The following ZMYND19 variants were observed in gnomAD, a reference collection of about 807,000 sequenced individuals.
The protein encoded by ZMYND19 is zinc finger MYND-type containing 19.
Under a neutral mutation model 32.0 loss-of-function variants are expected in ZMYND19, and 17 were observed. The ratio of observed to expected loss-of-function variants is 0.53; its 90% CI spans 0.36 to 0.80. ZMYND19 has a LOEUF of 0.80. Ranked by LOEUF, ZMYND19 falls within the 30% of genes least tolerant of loss-of-function variation. The probability of loss-of-function intolerance (pLI) is 0.00; values close to 1 mark genes in which losing one functional copy is unlikely to be tolerated. For missense variants in ZMYND19, 250 were observed against 293.6 expected (o/e 0.85, Z 1.09); for synonymous variants, 124 against 113.6 (o/e 1.09, Z -0.58).
intron 4 of ZMYND19, among the ~76,000 whole-genome samples, chr9:137,585,073 A>AT (rs2133298270): frequency 6.6e-6 from 1 of 152,318 alleles, no homozygotes; most frequent in African/African-American, 2.4e-5. Flanking sequence ...CAAAACTCTA[A>AT]TATTAGAGCA....
At chr9:137,586,065 C>T (rs1195488443) in intron 4 of ZMYND19, among the ~76,000 whole-genome samples, 2 of 152,264 alleles carry the variant, frequency 1.3e-5, no homozygotes, top group African/African-American at 4.8e-5. Flanking sequence ...CACAGACTGG[C>T]TGGTTCTAGG....
chr9:137,582,894 G>C lies in ZMYND19; in HGVS notation c.540+89C>G. On this transcript the variant is annotated intron_variant, in intron 5 of 5. Transcript: ENST00000298585. ...GGTGCTAAGCGGTCTCTGGGGAATG[G>C]GACCCCGCGGTGGAGGGCAAGATCC... 3 of 1,557,096 alleles carry C rather than the reference G, an allele frequency of 1.9e-6. No homozygotes were observed. The South Asian group carries it at 3.6e-5, about 19-fold the overall frequency.
intron 1 of ZMYND19, chr9:137,589,834 G>T (rs1248801712): frequency 2.0e-6 from 2 of 985,366 alleles, no homozygotes; most frequent in Non-Finnish European, 2.4e-6. Flanking sequence ...CCGTGTGGCC[G>T]CACTGGCAGC....
At position 137,582,180 on chromosome 9, in the gene ZMYND19, A is replaced by C; in HGVS notation, c.*363T>G. 1 of 182,560 alleles carries C rather than the reference A, an allele frequency of 5.5e-6. No individual in the cohort carries two copies. Among genetic ancestry groups the C allele is most frequent in the South Asian group, 1.4e-4 (1 of 7,240 alleles). The allele number at this position is 182,560 out of a possible 1,614,324, so 11.3% of individuals were successfully genotyped here. The stretch of plus-strand genomic sequence containing the variant: ...CCAGGGGAGAAGCTTCGACAACAGG[A>C]CAGTTTTTAGTCACGTGGCCTGACC... On this transcript the variant is annotated 3_prime_UTR_variant, in exon 6 of 6. Coordinates refer to ENST00000298585, the MANE Select transcript of ZMYND19 (RefSeq NM_138462.3).
At chr9:137,588,558 G>T in intron 2 of ZMYND19, 101 bp downstream of exon 2, 2 of 1,356,672 alleles carry the variant, frequency 1.5e-6, no homozygotes, top group Non-Finnish European at 2.1e-6. Context: ...CCACTTGTGG[G>T]GCCGCCTGCT....
chr9:137,588,778 C>A, intron 1 of ZMYND19, 60 bp from the exon 2 acceptor site: 1 of 1,595,944 alleles, frequency 6.3e-7, no homozygotes, highest in African/African-American at 1.3e-5. Context: ...GGTGCAGTAA[C>A]CTTATAACCA....
chr9:137,582,471 A>G lies in ZMYND19; in HGVS notation c.*72T>C. 1 of 1,541,872 alleles carries G rather than the reference A, an allele frequency of 6.5e-7. No homozygotes were observed. Among genetic ancestry groups the G allele is most frequent in the Non-Finnish European group, 8.7e-7 (1 of 1,144,982 alleles). On this transcript the variant is annotated 3_prime_UTR_variant, in exon 6 of 6. Transcript: ENST00000298585. ...TGGCTTTTTTGGCACCTCCAGGTTC[A>G]ACCACCAGTCTGTCTCTGCTGTGCC...
chr9:137,582,792 C>A (rs1842162090), intron 5 of ZMYND19, 106 bp from the exon 6 acceptor site: 2 of 1,534,682 alleles, frequency 1.3e-6, no homozygotes, highest in South Asian at 2.5e-5. Flanking sequence ...ACACCACGTA[C>A]CAAGGCTGGA....
chr9:137,589,117 G>A (rs925936761), intron 1 of ZMYND19: 27 of 197,516 alleles, frequency 1.4e-4, no homozygotes, highest in African/African-American at 5.8e-4. Flanking sequence ...ATTAGGGTGT[G>A]TTTATTAAGC....
intron 2 of ZMYND19, 97 bp downstream of exon 2, chr9:137,588,562 G>T (rs1340619187): frequency 1.5e-6 from 2 of 1,373,456 alleles, no homozygotes; most frequent in Non-Finnish European, 2.1e-6. Context: ...TTGTGGGGCC[G>T]CCTGCTCTTG....
chr9:137,587,189 G>A (rs1048815965), intron 3 of ZMYND19, 82 bp from the exon 4 acceptor site: 16 of 1,547,978 alleles, frequency 1.0e-5, no homozygotes, highest in Non-Finnish European at 1.4e-5. Context: ...AGGTACCAAA[G>A]TCCTTCCAGG....
intron 3 of ZMYND19, 71 bp downstream of exon 3, chr9:137,587,646 G>T: frequency 7.1e-7 from 1 of 1,415,354 alleles, no homozygotes; most frequent in Non-Finnish European, 1.0e-6. Flanking sequence ...GGGGGCTCCA[G>T]GCGCCCTGTG....
At chr9:137,588,491 G>C (rs1277071924) in intron 2 of ZMYND19, among the ~76,000 whole-genome samples, 168 bp downstream of exon 2, 1 of 152,260 alleles carries the variant, frequency 6.6e-6, no homozygotes, top group Non-Finnish European at 1.5e-5. Flanking sequence ...AGGTTCTGCA[G>C]GGCCACGGCT....
intron 4 of ZMYND19, among the ~76,000 whole-genome samples, chr9:137,584,581 C>T (rs114179892): frequency 1.7e-3 from 256 of 152,292 alleles, no homozygotes; most frequent in African/African-American, 5.8e-3. Flanking sequence ...GAGCAGCGGG[C>T]GAACTTGCGG....
Position 137,590,366 on chromosome 9 carries a change from C to T in ZMYND19, c.-103G>A. On this transcript the variant is annotated 5_prime_UTR_variant, in exon 1 of 6. Coordinates refer to ENST00000298585, the MANE Select transcript of ZMYND19 (RefSeq NM_138462.3). This position sits in a 1 kb window ranked among gnomAD's most constrained non-coding sequence, Gnocchi z 4.2. ...CGCCGGGACAGGACGGGACCGGAGC[C>T]GGGGTCGGGGTAGCAGCCAGGCGGG... 1 of 761,408 alleles carries T rather than the reference C, an allele frequency of 1.3e-6. No homozygotes were observed. The highest frequency in any genetic ancestry group is 1.6e-6 in the Non-Finnish European group (1 of 625,364). The allele number at this position is 761,408 out of a possible 1,614,324, so 47.2% of individuals were successfully genotyped here.
chr9:137,590,182 CGGG>C lies in ZMYND19; in HGVS notation c.51+28_51+30del, dbSNP rs1564492698. 5.0e-5 allele frequency: 53 copies of C among 1,051,440 alleles called. No individual in the cohort carries two copies. In the African/African-American group the frequency reaches 8.4e-4, roughly 17 times the overall value. 65.1% of individuals were successfully genotyped at this position (1,051,440 alleles called of 1,614,324 possible). Reference sequence around the variant, plus strand: ...CGCGCGGAGGCCTGGACGGGCGAGACGGGCCGGGTCGCGGGCTCCGCGCCGCTC... The same window carrying C: ...CGCGCGGAGGCCTGGACGGGCGAGACCCGGGTCGCGGGCTCCGCGCCGCTC... On this transcript the variant is annotated intron_variant, in intron 1 of 5. Coordinates refer to ENST00000298585, the MANE Select transcript of ZMYND19 (RefSeq NM_138462.3). The surrounding 1 kb of genome is among the most constrained non-coding windows in gnomAD (Gnocchi z 4.2).
At position 137,582,671 on chromosome 9, in the gene ZMYND19, T is replaced by G. The variant is rs767197982; in HGVS notation, c.556A>C (p.Ile186Leu). Residue 186 changes from isoleucine (I) to leucine (L), a missense_variant, in exon 6 of 6, where the codon ATC becomes CTC. By Grantham distance (5) the Ile-to-Leu change is conservative. Around this residue, in one of 2 missense-constraint regions of ZMYND19, gnomAD observed 38 missense variants for 74.9 expected, o/e 0.51. Coordinates refer to ENST00000298585, the MANE Select transcript of ZMYND19 (RefSeq NM_138462.3). ...VIEKQLREFN[I>L]CGRCQVARYC... ...CGGGCCACCTGGCAGCGCCCACAGA[T>G]GTTGAACTCCCGGAGCTGAAATACA... 1 of 1,613,112 alleles carries G rather than the reference T, an allele frequency of 6.2e-7. No individual in the cohort carries two copies. Among genetic ancestry groups the G allele is most frequent in the Non-Finnish European group, 8.5e-7 (1 of 1,179,968 alleles).
chr9:137,588,026 G>C (rs965501422), intron 2 of ZMYND19, among the ~76,000 whole-genome samples: 1 of 152,164 alleles, frequency 6.6e-6, no homozygotes, highest in Admixed American at 6.5e-5. Flanking sequence ...CTGTCTATTC[G>C]AGCAAGAAAC....
intron 1 of ZMYND19, chr9:137,589,475 G>A (rs941273920): frequency 2.0e-6 from 2 of 985,330 alleles, no homozygotes; most frequent in East Asian, 1.1e-4. Context: ...CGGGAACAGG[G>A]CTCCCATCCG....
Sources: allele counts gnomAD v4.1 joint callset (sites outside exome capture counted in the v4.1 genomes callset), GRCh38; gene constraint gnomAD v4.1.1; regional missense constraint gnomAD v4.1.1; non-coding constraint Gnocchi (gnomAD v3.1); transcripts MANE v1.5; gene names NCBI Gene and HGNC (gene_info 2026-07-23, HGNC 2026-07-21).